IFI16: variants seen among roughly 807,000 people sequenced by gnomAD.
The protein encoded by IFI16 is gamma-interferon-inducible protein 16.
Under a neutral mutation model 68.4 loss-of-function variants are expected in IFI16, and 49 were observed. The observed-to-expected ratio is 0.72, with a 90% CI of 0.57 to 0.91. The LOEUF (loss-of-function observed/expected upper bound fraction) is 0.91. Ranked by LOEUF, IFI16 falls within the 40% of genes least tolerant of loss-of-function variation. The probability of loss-of-function intolerance (pLI) is 0.00; values close to 1 mark genes in which losing one functional copy is unlikely to be tolerated. For missense variants in IFI16, 878 were observed against 942.9 expected (o/e 0.93, Z 0.90); for synonymous variants, 307 against 315.0 (o/e 0.97, Z 0.27).
chr1:159,030,242 C>T (rs1653923427), intron 6 of IFI16, among the ~76,000 whole-genome samples: 1 of 152,052 alleles, frequency 6.6e-6, no homozygotes, highest in Non-Finnish European at 1.5e-5. Flanking sequence ...ATTCATCCTT[C>T]TCTGGTGCCT....
rs1164239862 is a variant in IFI16 at position 159,021,960 on chromosome 1, T to TAGCCC, written c.1161+1431_1161+1432insAGCCC. 8.6e-4 allele frequency among the ~76,000 whole-genome samples: 57 copies of TAGCCC among 66,078 alleles called. 2 individuals carry two copies. The highest frequency in any genetic ancestry group is 8.0e-3 in the African/African-American group (57 of 7,146). 43.3% of individuals were successfully genotyped at this position (66,078 alleles called of 152,430 possible). ...AGCCCTTTTTTTTTTTTTTTTTTTT[T>TAGCCC]TTTTTTTTTTTTTTTTTTTTTGAGA... On this transcript the variant is annotated intron_variant, in intron 6 of 11. Coordinates refer to ENST00000295809, the MANE Select transcript of IFI16 (RefSeq NM_001376587.1).
intron 7 of IFI16, among the ~76,000 whole-genome samples, chr1:159,043,685 C>T (rs976185811): frequency 2.0e-5 from 3 of 152,062 alleles, no homozygotes; most frequent in Admixed American, 6.6e-5. Context: ...TATGCTGTTA[C>T]GTATCCTGAA....
upstream of IFI16, among the ~76,000 whole-genome samples, chr1:159,006,952 T>G (rs953047975): frequency 6.6e-6 from 1 of 152,204 alleles, no homozygotes; most frequent in African/African-American, 2.4e-5. Flanking sequence ...GGCCTTTACC[T>G]TATCATATAA....
rs574633409 is a variant in IFI16, at chr1:159,013,192, G to A, written c.-20-1469G>A. ...TTTTTTTTTTTTTTTTTTTTTTGAC[G>A]GAGTCTCACTCTGTCACCCAGGCTG... On this transcript the variant is annotated intron_variant, in intron 1 of 11. Coordinates refer to ENST00000295809, the MANE Select transcript of IFI16 (RefSeq NM_001376587.1). 8.3e-5 allele frequency among the ~76,000 whole-genome samples: 9 copies of A among 108,964 alleles called. No homozygotes were observed. In the South Asian group the frequency reaches 1.6e-3, roughly 19 times the overall value. The allele number at this position is 108,964 out of a possible 152,430, so 71.5% of individuals were successfully genotyped here.
rs1655505590 is a variant in IFI16 at position 159,053,734 on chromosome 1, T to G, written c.2277+10T>G. 1 of 1,601,668 alleles carries G rather than the reference T, an allele frequency of 6.2e-7. No homozygotes were observed. Among genetic ancestry groups the G allele is most frequent in the Non-Finnish European group, 8.5e-7 (1 of 1,170,264 alleles). ...TCATAGTCACATCAAGGTTGGAACT[T>G]TATAGGAACATCATTTTTCCAAGTG... On this transcript the variant is annotated intron_variant, in intron 11 of 11. Transcript: ENST00000295809.
chr1:159,030,876 T>TCGG (rs60567074), intron 6 of IFI16, among the ~76,000 whole-genome samples: 1 of 148,462 alleles, frequency 6.7e-6, no homozygotes, highest in African/African-American at 2.5e-5. Context: ...AGGTGGTGGG[T>TCGG]GGGGGGGCCA....
At chr1:159,007,414 T>A (rs141860805), upstream of IFI16, among the ~76,000 whole-genome samples, 449 of 152,310 alleles carry the variant, frequency 2.9e-3, 2 homozygotes, top group Middle Eastern at 0.024. Flanking sequence ...GAAAAAAATA[T>A]GTGTAGAAAT....
intron 1 of IFI16, among the ~76,000 whole-genome samples, chr1:159,013,816 G>A (rs7526724): frequency 0.088 from 13,456 of 152,156 alleles, 658 homozygotes; most frequent in Middle Eastern, 0.13. Context: ...GGAGTACAAA[G>A]GTACTAGAAG....
At chr1:159,013,434 C>T (rs966675028) in intron 1 of IFI16, among the ~76,000 whole-genome samples, 2 of 152,118 alleles carry the variant, frequency 1.3e-5, no homozygotes, top group African/African-American at 4.8e-5. Flanking sequence ...TCCCAACATG[C>T]TGGAATTACA....
chr1:159,013,162 CTTTTTTTTTTTTTTTTTT>C (rs59743054), intron 1 of IFI16, among the ~76,000 whole-genome samples: 1 of 54,646 alleles, frequency 1.8e-5, no homozygotes, highest in Non-Finnish European at 3.3e-5. Context: ...AAGAAGGAAG[CTTTTTTTTTTTTTTTTTT>C]TTTTTTTTGA....
In IFI16 at chr1:159,014,664, C is replaced by T. The variant is rs377211711; in HGVS notation, c.-17C>T. On this transcript the variant is annotated 5_prime_UTR_variant, in exon 2 of 12. Transcript: ENST00000295809. The stretch of plus-strand genomic sequence containing the variant: ...TATATACCATTTTCTCTTGTAGGCT[C>T]ACTTATGTCTGTAAAGATGGGAAAA... 2 of 1,574,912 alleles carry T rather than the reference C, an allele frequency of 1.3e-6. No homozygotes were observed. Among genetic ancestry groups the T allele is most frequent in the Non-Finnish European group, 1.7e-6 (2 of 1,159,134 alleles).
Position 159,018,231 on chromosome 1 carries a change from C to A in IFI16, c.552C>A (p.Asn184Lys). ...SAPPNSSSTENPKTVAKCQVT... is the reference protein window; with the variant it reads ...SAPPNSSSTEKPKTVAKCQVT... ...TTCTCCTGTGCTATCATACACAGAA[C>A]CCGAAAACAGTGGCCAAATGTCAGG... The change falls in exon 5 of 12, where the codon AAC (asparagine) becomes AAA (lysine). Residue 184 changes from asparagine (N) to lysine (K), a missense_variant and splice_region_variant. By Grantham distance (94) the Asn-to-Lys change is moderately conservative. Coordinates refer to ENST00000295809, the MANE Select transcript of IFI16 (RefSeq NM_001376587.1). 3 of 1,612,806 alleles carry A rather than the reference C, an allele frequency of 1.9e-6. No individual in the cohort carries two copies. Among genetic ancestry groups the A allele is most frequent in the Non-Finnish European group, 2.5e-6 (3 of 1,179,352 alleles).
At chr1:159,049,827 A>G (rs893112917) in intron 9 of IFI16, among the ~76,000 whole-genome samples, 4 of 152,012 alleles carry the variant, frequency 2.6e-5, no homozygotes, top group Non-Finnish European at 4.4e-5. Context: ...GTTTAATTTT[A>G]TTTTTCTTTT....
rs1045597538 is a variant in IFI16, at chr1:159,020,325, T to C, written c.973-16T>C. The C allele has an allele frequency of 6.4e-7, 1 of 1,574,036 alleles. No homozygotes were observed. The highest frequency in any genetic ancestry group is 8.7e-7 in the Non-Finnish European group (1 of 1,149,670). On this transcript the variant is annotated splice_polypyrimidine_tract_variant and intron_variant, in intron 5 of 11. Transcript: ENST00000295809. The stretch of plus-strand genomic sequence containing the variant: ...AATTACATTCTCAGGAACAGAATAT[T>C]AATTTTCTGTTACAGAAAACAGTAA...
upstream of IFI16, among the ~76,000 whole-genome samples, chr1:159,005,349 T>C (rs77157965): frequency 0.01 from 1,533 of 152,292 alleles, 29 homozygotes; most frequent in African/African-American, 0.035. Flanking sequence ...CTTCTTTCAC[T>C]CATATTTTCT....
intron 2 of IFI16, among the ~76,000 whole-genome samples, chr1:159,015,267 A>T (rs999695381): frequency 7.6e-4 from 115 of 152,202 alleles, no homozygotes; most frequent in African/African-American, 2.7e-3. Context: ...TAAATTCAAG[A>T]TATGTACATT....
At chr1:159,003,800 A>G (rs1429150654), upstream of IFI16, among the ~76,000 whole-genome samples, 1 of 152,098 alleles carries the variant, frequency 6.6e-6, no homozygotes, top group Non-Finnish European at 1.5e-5. Flanking sequence ...AGCTGGGACT[A>G]TAGGCGCCCG....
chr1:159,007,092 A>C (rs1652289070), upstream of IFI16, among the ~76,000 whole-genome samples: 1 of 152,244 alleles, frequency 6.6e-6, no homozygotes, highest in East Asian at 1.9e-4. Flanking sequence ...GTGACGAAAA[A>C]GATAAACTTT....
intron 6 of IFI16, among the ~76,000 whole-genome samples, chr1:159,030,171 AT>A (rs1653918606): frequency 6.9e-6 from 1 of 145,528 alleles, no homozygotes; most frequent in Admixed American, 6.7e-5. Context: ...TATGCTCTCT[AT>A]TTTTTTGGAG....
Sources: allele counts gnomAD v4.1 joint callset (sites outside exome capture counted in the v4.1 genomes callset), GRCh38; gene constraint gnomAD v4.1.1; transcripts MANE v1.5; gene names NCBI Gene and HGNC (gene_info 2026-07-23, HGNC 2026-07-21).